The following DGKD variants were observed in gnomAD, a reference collection of about 807,000 sequenced individuals.
DGKD encodes the protein diacylglycerol kinase delta.
Under a neutral mutation model 154.4 loss-of-function variants are expected in DGKD, and 68 were observed. That is an observed-to-expected ratio of 0.44 (90% CI 0.36 to 0.54). The LOEUF is 0.54. Among genes scored for constraint, DGKD ranks in the 20% least tolerant of loss-of-function variants. The pLI is 0.00. For synonymous variants in DGKD, 693 were observed against 638.0 expected (o/e 1.09, Z -1.30); for missense variants, 1,343 against 1,593.6 (o/e 0.84, Z 2.68).
At chr2:233,434,924 C>T (rs1449551756) in intron 5 of DGKD, 23 bp downstream of exon 5, 1 of 1,596,938 alleles carries the variant, frequency 6.3e-7, no homozygotes, top group South Asian at 1.1e-5. Flanking sequence ...GTTTGTTATT[C>T]TGTCAGGAAA....
Position 233,467,222 on chromosome 2 carries a change from C to A in DGKD, c.3424+19C>A. ...GCCCCGGGTACCTGCCTCTCTCCCG[C>A]GTGTGTTTCTGGCCGTCCACGCCTG... On this transcript the variant is annotated intron_variant, in intron 28 of 29. Coordinates refer to ENST00000264057, the MANE Select transcript of DGKD (RefSeq NM_152879.3). 6.4e-7 allele frequency: 1 copy of A among 1,570,890 alleles called. No homozygotes were observed. The highest frequency in any genetic ancestry group is 1.1e-5 in the South Asian group (1 of 90,218).
Position 233,468,673 on chromosome 2 carries a change from G to A in DGKD, c.3555+120G>A, listed in dbSNP as rs1575185930. 4.7e-6 allele frequency: 7 copies of A among 1,486,548 alleles called. No homozygotes were observed. The East Asian group carries it at 1.4e-4, about 30-fold the overall frequency. 92.1% of individuals were successfully genotyped at this position (1,486,548 alleles called of 1,614,324 possible). On this transcript the variant is annotated intron_variant, in intron 29 of 29. Coordinates refer to ENST00000264057, the MANE Select transcript of DGKD (RefSeq NM_152879.3). ...ATCACGATTCTTCTCAGGCTTTCGTGTATACCTCAGGTGGGGGCGGCTGTG... is the reference window on the plus strand; with the variant it reads ...ATCACGATTCTTCTCAGGCTTTCGTATATACCTCAGGTGGGGGCGGCTGTG...
At chr2:233,387,601 C>T (rs1008760542) in intron 1 of DGKD, among the ~76,000 whole-genome samples, 10 of 152,142 alleles carry the variant, frequency 6.6e-5, no homozygotes, top group African/African-American at 1.7e-4. Flanking sequence ...ATGAGTGGAC[C>T]GTATAATCCA....
intron 1 of DGKD, among the ~76,000 whole-genome samples, chr2:233,358,721 A>G (rs1701638151): frequency 6.6e-6 from 1 of 152,206 alleles, no homozygotes; most frequent in African/African-American, 2.4e-5. Context: ...CATGGCATGT[A>G]TCGGTACTTC....
chr2:233,431,517 A>G (rs987124901), intron 3 of DGKD, among the ~76,000 whole-genome samples: 1 of 152,226 alleles, frequency 6.6e-6, no homozygotes, highest in Non-Finnish European at 1.5e-5. Context: ...AAGACCCAGA[A>G]TAGCCAAAAT....
At chr2:233,393,270 T>G (rs1703757759) in intron 3 of DGKD, among the ~76,000 whole-genome samples, 1 of 151,648 alleles carries the variant, frequency 6.6e-6, no homozygotes, top group South Asian at 2.1e-4. Flanking sequence ...TTGAGTGATC[T>G]GCCTGCCTCA....
intron 3 of DGKD, among the ~76,000 whole-genome samples, chr2:233,420,463 C>T (rs2062079083): frequency 6.6e-6 from 1 of 152,202 alleles, no homozygotes; most frequent in Non-Finnish European, 1.5e-5. Context: ...ATCCTCGTTT[C>T]TTCCTGCTCC....
rs202198525 is a variant in DGKD at position 233,459,834 on chromosome 2, G to A, written c.2772G>A (p.Pro924=). 3.8e-5 allele frequency: 62 copies of A among 1,613,974 alleles called. No individual in the cohort carries two copies. The highest frequency in any genetic ancestry group is 4.7e-5 in the Non-Finnish European group (56 of 1,180,012). The change falls in exon 23 of 30, where the codon CCG becomes CCA. Residue 924 remains proline (P), a synonymous_variant. Transcript: ENST00000264057. The surrounding 1 kb of genome is among the most constrained non-coding windows in gnomAD (Gnocchi z 5.7). ...VQVDGEAWVQ[P]PGYIRIVHKN... is the part of the protein sequence containing the mutation. ...TGGACGGAGAGGCCTGGGTCCAGCC[G>A]CCAGGGTACATTCGGATTGTCCACA...
At chr2:233,403,876 G>A (rs1293095544) in intron 3 of DGKD, among the ~76,000 whole-genome samples, 7 of 152,086 alleles carry the variant, frequency 4.6e-5, no homozygotes, top group African/African-American at 7.2e-5. Flanking sequence ...TCCTGACCTC[G>A]TGATCCGCCC....
intron 1 of DGKD, among the ~76,000 whole-genome samples, chr2:233,384,830 C>A (rs1703087406): frequency 6.6e-6 from 1 of 152,182 alleles, no homozygotes; most frequent in African/African-American, 2.4e-5. Flanking sequence ...CGGGCTCTGT[C>A]TGTAGCCCCA....
intron 1 of DGKD, among the ~76,000 whole-genome samples, chr2:233,358,126 A>G (rs1701612552): frequency 6.6e-6 from 1 of 152,224 alleles, no homozygotes; most frequent in Non-Finnish European, 1.5e-5. Context: ...TTTCCTGACT[A>G]CAGTACACAG....
Position 233,440,323 on chromosome 2 carries a change from G to A in DGKD, c.1086-1564G>A, listed in dbSNP as rs543263470. Among the ~76,000 whole-genome samples, 3 of 152,260 alleles carry A rather than the reference G, an allele frequency of 2.0e-5. No individual in the cohort carries two copies. Among genetic ancestry groups the A allele is most frequent in the South Asian group, 4.2e-4 (2 of 4,812 alleles). On this transcript the variant is annotated intron_variant, in intron 9 of 29. Transcript: ENST00000264057. This position sits in a 1 kb window ranked among gnomAD's most constrained non-coding sequence, Gnocchi z 4.9. ...CTGTGTGGAGCCTGGGCTTGGTGCC[G>A]CATCACCTATGCCTGTCTGTCTTCT...
chr2:233,435,669 C>T (rs2062667868), intron 5 of DGKD, 149 bp from the exon 6 acceptor site: 8 of 596,380 alleles, frequency 1.3e-5, no homozygotes, highest in African/African-American at 7.7e-5. Context: ...AGCCTCTAAG[C>T]GTATCACAGT....
chr2:233,357,671 G>C (rs147447714), intron 1 of DGKD, among the ~76,000 whole-genome samples: 1 of 151,854 alleles, frequency 6.6e-6, no homozygotes, highest in African/African-American at 2.4e-5. Flanking sequence ...CAAGTAGCTG[G>C]GACTACAGGC....
intron 3 of DGKD, among the ~76,000 whole-genome samples, chr2:233,420,199 C>T (rs73995948): frequency 6.6e-6 from 1 of 152,070 alleles, no homozygotes; most frequent in East Asian, 1.9e-4. Context: ...TTCCCCTCCC[C>T]CAGTTCCCTC....
intron 1 of DGKD, among the ~76,000 whole-genome samples, chr2:233,376,097 G>C (rs1411235098): frequency 6.6e-6 from 1 of 152,146 alleles, no homozygotes; most frequent in East Asian, 1.9e-4. Context: ...GAACCACAGA[G>C]CGCATGTGTG....
intron 1 of DGKD, among the ~76,000 whole-genome samples, chr2:233,364,638 A>T (rs1701939401): frequency 6.6e-6 from 1 of 152,208 alleles, no homozygotes; most frequent in Admixed American, 6.5e-5. Context: ...ATAGTGTGTG[A>T]TAGCTAAGCT....
Position 233,380,338 on chromosome 2 carries a change from G to A in DGKD, c.157-7919G>A, listed in dbSNP as rs149627143. Among the ~76,000 whole-genome samples, 257 of 152,266 alleles carry A rather than the reference G, an allele frequency of 1.7e-3. 2 individuals are homozygous for A. Among genetic ancestry groups the A allele is most frequent in the African/African-American group, 5.6e-3 (233 of 41,536 alleles). On this transcript the variant is annotated intron_variant, in intron 1 of 29. Transcript: ENST00000264057. ...GGATTAGCAGTGATGCTGACAGAGCGGGAGTGAACTCAGCCAACCCATCGT... is the reference window on the plus strand; with the variant it reads ...GGATTAGCAGTGATGCTGACAGAGCAGGAGTGAACTCAGCCAACCCATCGT...
At chr2:233,456,240 G>C (rs2063457427) in intron 19 of DGKD, among the ~76,000 whole-genome samples, 1 of 152,240 alleles carries the variant, frequency 6.6e-6, no homozygotes, top group Non-Finnish European at 1.5e-5. Context: ...CAGGCATGGG[G>C]CGGAGGAGTG....
Sources: allele counts gnomAD v4.1 joint callset (sites outside exome capture counted in the v4.1 genomes callset), GRCh38; gene constraint gnomAD v4.1.1; non-coding constraint Gnocchi (gnomAD v3.1); transcripts MANE v1.5; gene names NCBI Gene and HGNC (gene_info 2026-07-23, HGNC 2026-07-21).